CRIM1: variants seen among roughly 807,000 people sequenced by gnomAD.
CRIM1 encodes cysteine-rich motor neuron 1 protein.
Under a neutral mutation model 116.4 loss-of-function variants are expected in CRIM1, and 32 were observed. The ratio of observed to expected loss-of-function variants is 0.27; its 90% CI spans 0.21 to 0.37. CRIM1 has a LOEUF of 0.37. Ranked by LOEUF, CRIM1 falls within the 10% of genes least tolerant of loss-of-function variation. The pLI is 1.00. For missense variants in CRIM1, 1,331 were observed against 1,354.8 expected, an observed-to-expected ratio of 0.98 and a Z score of 0.28; for synonymous variants, 590 against 509.2, an observed-to-expected ratio of 1.16 and a Z score of -2.13.
At position 36,393,072 on chromosome 2, in the gene CRIM1, C is replaced by G. The variant is rs539886381; in HGVS notation, c.332-3542C>G. ...TGATTCCAGATTTGAGGGAAATGGTCTTCCTGTGGGGAGGCAGAGAAAAGC... is the reference window on the plus strand; with the variant it reads ...TGATTCCAGATTTGAGGGAAATGGTGTTCCTGTGGGGAGGCAGAGAAAAGC... On this transcript the variant is annotated intron_variant, in intron 1 of 16. Coordinates refer to ENST00000280527, the MANE Select transcript of CRIM1 (RefSeq NM_016441.3). Among the ~76,000 whole-genome samples, 6 of 152,304 alleles carry G rather than the reference C, an allele frequency of 3.9e-5. No individual in the cohort carries two copies. The South Asian group carries it at 1.2e-3, about 32-fold the overall frequency.
At chr2:36,490,796 C>A (rs138566988) in intron 7 of CRIM1, among the ~76,000 whole-genome samples, 61 of 152,308 alleles carry the variant, frequency 4.0e-4, no homozygotes, top group African/African-American at 1.4e-3. Context: ...TCTGCCCATT[C>A]TTGTGCATAT....
At chr2:36,418,269 T>C (rs1673775221) in intron 2 of CRIM1, among the ~76,000 whole-genome samples, 1 of 152,200 alleles carries the variant, frequency 6.6e-6, no homozygotes. Flanking sequence ...GACTCTTCTT[T>C]GAGTCCTGCC....
chr2:36,502,859 T>C (rs1369965369), intron 8 of CRIM1, among the ~76,000 whole-genome samples: 5 of 152,194 alleles, frequency 3.3e-5, no homozygotes, highest in African/African-American at 1.2e-4. Context: ...AGAGATGCCT[T>C]TGGATATCAT....
Position 36,362,093 on chromosome 2 carries a change from C to G in CRIM1, c.331+5470C>G, listed in dbSNP as rs1410128750. ...GGACCTCTCCAACATATTCTTTGCTCTGTACACTTAATCAAGATAAGAAAT... is the reference window on the plus strand; with the variant it reads ...GGACCTCTCCAACATATTCTTTGCTGTGTACACTTAATCAAGATAAGAAAT... On this transcript the variant is annotated intron_variant, in intron 1 of 16. Coordinates refer to ENST00000280527, the MANE Select transcript of CRIM1 (RefSeq NM_016441.3). Among the ~76,000 whole-genome samples, 5 of 152,160 alleles carry G rather than the reference C, an allele frequency of 3.3e-5. No homozygotes were observed. In the East Asian group the frequency reaches 7.8e-4, roughly 24 times the overall value.
intron 1 of CRIM1, among the ~76,000 whole-genome samples, chr2:36,358,888 G>T (rs868778948): frequency 6.6e-6 from 1 of 152,112 alleles, no homozygotes; most frequent in African/African-American, 2.4e-5. Context: ...TTTCAATCGT[G>T]TGTTTACAAT....
chr2:36,543,228 C>T (rs1275504051), intron 14 of CRIM1, among the ~76,000 whole-genome samples: 4 of 152,238 alleles, frequency 2.6e-5, no homozygotes, highest in East Asian at 3.9e-4. Flanking sequence ...TTAACTTAAC[C>T]TCTCTGGGTT....
chr2:36,460,001 T>C (rs558626296), intron 4 of CRIM1, among the ~76,000 whole-genome samples: 1 of 152,172 alleles, frequency 6.6e-6, no homozygotes, highest in South Asian at 2.1e-4. Context: ...CAGCAGAACC[T>C]CCTAAGGGGG....
At chr2:36,470,601 C>T (rs570698117) in intron 5 of CRIM1, among the ~76,000 whole-genome samples, 4 of 152,264 alleles carry the variant, frequency 2.6e-5, no homozygotes, top group South Asian at 2.1e-4. Context: ...TTTAAGCCCA[C>T]CATTGAGACC....
Position 36,548,875 on chromosome 2 carries a change from T to TCCC in CRIM1, c.*175_*177dup, listed in dbSNP as rs1487334959. On this transcript the variant is annotated 3_prime_UTR_variant, in exon 17 of 17. Transcript: ENST00000280527. ...CTACAGCAATGTGCAGAACAAGCAT[T>TCCC]CCCACTTTTCCTCAAGATAACTGAC... 1 of 426,670 alleles carries TCCC rather than the reference T, an allele frequency of 2.3e-6. No homozygotes were observed. Among genetic ancestry groups the TCCC allele is most frequent in the East Asian group, 3.6e-5 (1 of 27,706 alleles). The allele number at this position is 426,670 out of a possible 1,614,324, so 26.4% of individuals were successfully genotyped here.
At chr2:36,531,222 A>G (rs927464590) in intron 13 of CRIM1, among the ~76,000 whole-genome samples, 3 of 152,204 alleles carry the variant, frequency 2.0e-5, no homozygotes, top group African/African-American at 4.8e-5. Context: ...TCCCACACCA[A>G]GCCTCTGACT....
At position 36,367,621 on chromosome 2, in the gene CRIM1, G is replaced by A. The variant is rs896829932; in HGVS notation, c.331+10998G>A. Among the ~76,000 whole-genome samples the A allele has an allele frequency of 1.2e-4, 19 of 152,250 alleles. No homozygotes were observed. The South Asian group carries it at 3.1e-3, about 25-fold the overall frequency. ...GACCTAGAAGTGATAGACAGGAGTC[G>A]AATATTACCTTGTGTTTGCAGAGCC... On this transcript the variant is annotated intron_variant, in intron 1 of 16. Transcript: ENST00000280527.
Position 36,550,071 on chromosome 2 carries a change from G to GCGCGCA in CRIM1, c.*1373_*1374insGCACGC, listed in dbSNP as rs1553339270. On this transcript the variant is annotated 3_prime_UTR_variant, in exon 17 of 17. Coordinates refer to ENST00000280527, the MANE Select transcript of CRIM1 (RefSeq NM_016441.3). ...TGTGTGTGTGTGTGTGTGTGTGCGC[G>GCGCGCA]CGCACGCACGCCTTGAGCAGTCAGC... 9 of 152,226 alleles carry GCGCGCA rather than the reference G, an allele frequency of 5.9e-5. No homozygotes were observed. The highest frequency in any genetic ancestry group is 1.9e-4 in the African/African-American group (8 of 41,314). The allele number at this position is 152,226 out of a possible 1,614,324, so 9.4% of individuals were successfully genotyped here.
intron 11 of CRIM1, among the ~76,000 whole-genome samples, chr2:36,514,803 C>T (rs761069122): frequency 5.9e-5 from 9 of 152,164 alleles, no homozygotes; most frequent in Non-Finnish European, 1.0e-4. Flanking sequence ...GGTTGGGGAG[C>T]AGGGGAGAGG....
chr2:36,537,690 A>G, intron 14 of CRIM1, 144 bp downstream of exon 14: 2 of 886,156 alleles, frequency 2.3e-6, no homozygotes, highest in South Asian at 1.9e-5. Context: ...CCACCCAAAG[A>G]CCCTATGGGT....
intron 2 of CRIM1, among the ~76,000 whole-genome samples, chr2:36,434,298 C>T (rs1478506512): frequency 3.3e-5 from 5 of 152,196 alleles, no homozygotes; most frequent in Admixed American, 6.5e-5. Flanking sequence ...AATGAGGATA[C>T]GCTAAAGACA....
At chr2:36,467,520 CA>C (rs377349760) in intron 5 of CRIM1, among the ~76,000 whole-genome samples, 20 of 152,296 alleles carry the variant, frequency 1.3e-4, no homozygotes, top group African/African-American at 4.6e-4. Context: ...TCATTATCAT[CA>C]CTTAGAAAAG....
chr2:36,387,917 T>G (rs750714985), intron 1 of CRIM1, among the ~76,000 whole-genome samples: 5 of 152,166 alleles, frequency 3.3e-5, no homozygotes, highest in African/African-American at 1.2e-4. Context: ...TTGGACTTAC[T>G]CTGTTGCTCT....
At chr2:36,472,895 A>C (rs1572818429) in intron 5 of CRIM1, among the ~76,000 whole-genome samples, 1 of 152,208 alleles carries the variant, frequency 6.6e-6, no homozygotes, top group African/African-American at 2.4e-5. Flanking sequence ...AAGTATATAG[A>C]AGAATTCTGA....
intron 1 of CRIM1, among the ~76,000 whole-genome samples, chr2:36,385,277 G>A (rs1311215515): frequency 6.6e-6 from 1 of 152,200 alleles, no homozygotes; most frequent in Admixed American, 6.5e-5. Context: ...AAGTGCATAG[G>A]AGTGCTGAAG....
Sources: gnomAD v4.1 joint callset for allele counts (sites outside exome capture counted in the v4.1 genomes callset) on GRCh38, gnomAD v4.1.1 for gene constraint, MANE v1.5 for transcripts, NCBI Gene and HGNC (gene_info 2026-07-23, HGNC 2026-07-21) for gene names.